The following CIITA variants were observed in gnomAD, a reference collection of about 807,000 sequenced individuals.
CIITA encodes MHC class II transactivator.
In CIITA, 72 loss-of-function variants were observed where a neutral mutation model predicts 115.1. The ratio of observed to expected loss-of-function variants is 0.63; its 90% CI spans 0.52 to 0.76. The LOEUF (loss-of-function observed/expected upper bound fraction) is 0.76. Among genes scored for constraint, CIITA ranks in the 30% least tolerant of loss-of-function variants. CIITA has a pLI of 0.00. For missense variants in CIITA, 1,617 were observed against 1,463.8 expected, an observed-to-expected ratio of 1.10 and a Z score of -1.71; for synonymous variants, 763 against 635.6, an observed-to-expected ratio of 1.20 and a Z score of -3.02.
intron 16 of CIITA, among the ~76,000 whole-genome samples, chr16:10,918,770 A>G (rs1002760109): frequency 6.6e-6 from 1 of 152,224 alleles, no homozygotes; most frequent in African/African-American, 2.4e-5. Flanking sequence ...ACTTGTCACA[A>G]TGCCAGGTTC....
In CIITA at chr16:10,907,107, C is replaced by T; in HGVS notation, c.1615C>T (p.Arg539Ter). The T allele has an allele frequency of 2.5e-6, 4 of 1,610,464 alleles. No individual in the cohort carries two copies. The highest frequency in any genetic ancestry group is 2.2e-5 in the East Asian group (1 of 44,852). Residue 539 changes from arginine (R) to a stop codon, truncating the protein, a stop_gained, in exon 11 of 20, where the codon CGA (arginine) becomes TGA (stop). Transcript: ENST00000324288. LOFTEE classifies it high-confidence loss of function. This position sits in a 1 kb window ranked among gnomAD's most constrained non-coding sequence, Gnocchi z 5.0. ...LAGLFQKKLL[R>*]GCTLLLTARP... ...CGGCCTTTTCCAGAAGAAGCTGCTC[C>T]GAGGTTGCACCCTCCTCCTCACAGC...
Position 10,907,570 on chromosome 16 carries a change from G to A in CIITA, c.2078G>A (p.Gly693Asp), listed in dbSNP as rs146380734. The change falls in exon 11 of 20, where the codon GGC (glycine) becomes GAC (aspartate). Residue 693 changes from glycine (G) to aspartate (D), a missense_variant. Coordinates refer to ENST00000324288, the MANE Select transcript of CIITA (RefSeq NM_000246.4). This position sits in a 1 kb window ranked among gnomAD's most constrained non-coding sequence, Gnocchi z 5.0. ...GTGAGGACCTGGGCGATGGCCAAAGGCTTAGTCCAACACCCACCGCGGGCC... is the reference window on the plus strand; with the variant it reads ...GTGAGGACCTGGGCGATGGCCAAAGACTTAGTCCAACACCCACCGCGGGCC... The part of the protein sequence containing the change: ...ADVRTWAMAK[G>D]LVQHPPRAAE... The A allele has an allele frequency of 1.9e-5, 31 of 1,614,182 alleles. No homozygotes were observed. In the East Asian group the frequency reaches 6.5e-4, roughly 34 times the overall value.
rs2036241314 is a variant in CIITA at position 10,879,857 on chromosome 16, C to T, written c.52+2475C>T. On this transcript the variant is annotated intron_variant, in intron 1 of 19. Coordinates refer to ENST00000324288, the MANE Select transcript of CIITA (RefSeq NM_000246.4). This position sits in a 1 kb window ranked among gnomAD's most constrained non-coding sequence, Gnocchi z 4.3. ...AGCTTAGTCTGGAACTCTTAAAAGC[C>T]GCGGTCCTCCTGAGTCCCACAGCCC... Among the ~76,000 whole-genome samples, 1 of 152,114 alleles carries T rather than the reference C, an allele frequency of 6.6e-6. No homozygotes were observed. The highest frequency in any genetic ancestry group is 2.1e-4 in the South Asian group (1 of 4,818).
intron 1 of CIITA, among the ~76,000 whole-genome samples, chr16:10,881,170 T>C (rs1047936339): frequency 2.0e-5 from 3 of 151,808 alleles, no homozygotes; most frequent in African/African-American, 7.3e-5. Flanking sequence ...TCTCAACTAC[T>C]TGGGAGGCTG....
chr16:10,918,368 G>C (rs2040075828), intron 15 of CIITA, 72 bp from the exon 16 acceptor site: 1 of 1,321,156 alleles, frequency 7.6e-7, no homozygotes, highest in Non-Finnish European at 1.1e-6. Context: ...CTATGACCCA[G>C]AACTCTCCTT....
intron 1 of CIITA, among the ~76,000 whole-genome samples, chr16:10,887,004 G>A (rs994484814): frequency 6.6e-6 from 1 of 152,220 alleles, no homozygotes; most frequent in Non-Finnish European, 1.5e-5. Flanking sequence ...TTCTTACGGG[G>A]TGCTCAGTGA....
chr16:10,936,604 T>TTTTG (rs371700801), downstream of CIITA: 3 of 152,276 alleles, frequency 2.0e-5, no homozygotes, highest in South Asian at 2.1e-4. Context: ...TAACAGAGGT[T>TTTTG]TTTGTTTGTT....
At chr16:10,867,350 G>A (rs2035155277) in intron 1 of CIITA, among the ~76,000 whole-genome samples, 1 of 150,576 alleles carries the variant, frequency 6.6e-6, no homozygotes, top group Admixed American at 6.6e-5. Context: ...GCGTTTGCAT[G>A]CATTTGCTTG....
chr16:10,882,287 G>C (rs1481119431), intron 1 of CIITA, among the ~76,000 whole-genome samples: 1 of 152,190 alleles, frequency 6.6e-6, no homozygotes, highest in Non-Finnish European at 1.5e-5. Flanking sequence ...TTGTAAAGAT[G>C]GAAGACGAAT....
rs191508084 is a variant in CIITA, at chr16:10,898,546, C to A, written c.296-124C>A. 1.4e-3 allele frequency: 872 copies of A among 622,998 alleles called. 6 individuals are homozygous for A. Among genetic ancestry groups the A allele is most frequent in the Middle Eastern group, 8.8e-4 (2 of 2,274 alleles). 38.6% of individuals were successfully genotyped at this position (622,998 alleles called of 1,614,324 possible). On this transcript the variant is annotated intron_variant, in intron 3 of 19. Transcript: ENST00000324288. ...TCATTTGTTTGATCATTCATTCATT[C>A]AACAAACATTTCTTGAGTCCCCACT...
At chr16:10,867,072 G>T (rs1025823177) in intron 1 of CIITA, among the ~76,000 whole-genome samples, 2 of 152,156 alleles carry the variant, frequency 1.3e-5, no homozygotes, top group South Asian at 4.1e-4. Context: ...GCAAAACCCT[G>T]TCTCTACTAA....
rs775954295 is a variant in CIITA, at chr16:10,901,870, G to C, written c.482-168G>C. Reference sequence around the variant, plus strand: ...CCAAGTCACAAGGAGAGGACTGGGGGACTGCCTGGCACAGAGCAGTTGCTG... The same window carrying C: ...CCAAGTCACAAGGAGAGGACTGGGGCACTGCCTGGCACAGAGCAGTTGCTG... On this transcript the variant is annotated intron_variant, in intron 6 of 19. Transcript: ENST00000324288. This position sits in a 1 kb window ranked among gnomAD's most constrained non-coding sequence, Gnocchi z 6.8. 1 of 967,354 alleles carries C rather than the reference G, an allele frequency of 1.0e-6. No homozygotes were observed. Among genetic ancestry groups the C allele is most frequent in the Non-Finnish European group, 1.6e-6 (1 of 622,522 alleles). The allele number at this position is 967,354 out of a possible 1,614,324, so 59.9% of individuals were successfully genotyped here.
At position 10,935,866 on chromosome 16, in the gene CIITA, A is replaced by C. The variant is rs1302272895; in HGVS notation, c.*12011A>C. On this transcript the variant is annotated 3_prime_UTR_variant, in exon 20 of 20. Coordinates refer to ENST00000324288, the MANE Select transcript of CIITA (RefSeq NM_000246.4). ...TAATATGTCAATGTCACAAGAGAGA[A>C]AGACAGACTGAAGAGCTGATCCAGA... The C allele has an allele frequency of 6.6e-6, 1 of 152,270 alleles. No individual in the cohort carries two copies. The highest frequency in any genetic ancestry group is 1.5e-5 in the Non-Finnish European group (1 of 68,052). The allele number at this position is 152,270 out of a possible 1,614,324, so 9.4% of individuals were successfully genotyped here.
At position 10,932,926 on chromosome 16, in the gene CIITA, A is replaced by G. The variant is rs1567463363; in HGVS notation, c.*9071A>G. Reference sequence around the variant, plus strand: ...CTAAAATCTCATAACGTTTTAAGAAAGTTTATGAATCTGTGTTGGGCCACA... The same window carrying G: ...CTAAAATCTCATAACGTTTTAAGAAGGTTTATGAATCTGTGTTGGGCCACA... On this transcript the variant is annotated 3_prime_UTR_variant, in exon 20 of 20. Transcript: ENST00000324288. The G allele has an allele frequency of 6.6e-6, 1 of 152,102 alleles. No individual in the cohort carries two copies. The highest frequency in any genetic ancestry group is 1.5e-5 in the Non-Finnish European group (1 of 68,022). The allele number at this position is 152,102 out of a possible 1,614,324, so 9.4% of individuals were successfully genotyped here.
At chr16:10,904,023 C>T (rs942396162) in intron 9 of CIITA, 128 bp downstream of exon 9, 20 of 1,270,816 alleles carry the variant, frequency 1.6e-5, no homozygotes, top group Admixed American at 1.5e-4. Context: ...AGGGGTCAGT[C>T]GGGACAGGGA....
intron 5 of CIITA, among the ~76,000 whole-genome samples, chr16:10,900,405 TA>T (rs1213679624): frequency 2.0e-5 from 3 of 152,202 alleles, no homozygotes; most frequent in Non-Finnish European, 4.4e-5. Context: ...TTTTCTTCTT[TA>T]TGTTTTCATT....
intron 12 of CIITA, 48 bp downstream of exon 12, chr16:10,909,235 GA>G: frequency 1.9e-6 from 3 of 1,594,120 alleles, no homozygotes; most frequent in Non-Finnish European, 2.6e-6. Flanking sequence ...GCAGGTTGAG[GA>G]CATGTAGGAC....
intron 3 of CIITA, among the ~76,000 whole-genome samples, chr16:10,896,334 C>T (rs1485727054): frequency 6.6e-6 from 1 of 152,170 alleles, no homozygotes; most frequent in African/African-American, 2.4e-5. Flanking sequence ...AAATTCTAAC[C>T]TAGGTCTTTC....
intron 1 of CIITA, among the ~76,000 whole-genome samples, chr16:10,878,554 A>G (rs1370439582): frequency 6.6e-6 from 1 of 152,192 alleles, no homozygotes; most frequent in Non-Finnish European, 1.5e-5. Context: ...AGAGGAGTGA[A>G]TAGCTCAGTT....
Sources: allele counts gnomAD v4.1 joint callset (sites outside exome capture counted in the v4.1 genomes callset), GRCh38; gene constraint gnomAD v4.1.1; non-coding constraint Gnocchi (gnomAD v3.1); transcripts MANE v1.5; gene names NCBI Gene and HGNC (gene_info 2026-07-23, HGNC 2026-07-21).